Variants in PRR14 observed in about 807,000 individuals in gnomAD.
The protein encoded by PRR14 is proline-rich protein 14.
PRR14 carries 33 observed loss-of-function variants against 57.2 expected under a neutral mutation model. The ratio of observed to expected loss-of-function variants is 0.58; its 90% confidence interval spans 0.44 to 0.77. PRR14 has a LOEUF of 0.77. Among genes scored for constraint, PRR14 ranks in the 30% least tolerant of loss-of-function variants. The probability of loss-of-function intolerance (pLI) is 0.00; values close to 1 mark genes in which losing one functional copy is unlikely to be tolerated. For missense variants in PRR14, 716 were observed against 788.1 expected (o/e 0.91, Z 1.10); for synonymous variants, 303 against 314.7 (o/e 0.96, Z 0.39).
intron 6 of PRR14, 33 bp downstream of exon 6, chr16:30,653,441 T>A: frequency 6.2e-7 from 1 of 1,603,474 alleles, no homozygotes; most frequent in South Asian, 1.1e-5. Flanking sequence ...TATCAAAGGA[T>A]CCAGGCAACA....
rs750481361 is a variant in PRR14, at chr16:30,655,963, G to A, written c.1478+24G>A. ...AGGTGAGACACTTGGAAGGCTAGAG[G>A]GTGGCAGAGGGAAATCTGGAGCTGT... is the stretch of plus-strand genomic sequence containing the variant. On this transcript the variant is annotated intron_variant, in intron 11 of 11. Transcript: ENST00000300835. This position sits in a 1 kb window ranked among gnomAD's most constrained non-coding sequence, Gnocchi z 4.6. 8 of 1,612,172 alleles carry A rather than the reference G, an allele frequency of 5.0e-6. No individual in the cohort carries two copies. The Admixed American group carries it at 8.4e-5, about 17-fold the overall frequency.
rs537706285 is a variant in PRR14 at position 30,654,086 on chromosome 16, G to T, written c.549-144G>T. 1.7e-4 allele frequency: 115 copies of T among 662,832 alleles called. No homozygotes were observed. In the East Asian group the frequency reaches 2.8e-3, roughly 16 times the overall value. The allele number at this position is 662,832 out of a possible 1,614,324, so 41.1% of individuals were successfully genotyped here. On this transcript the variant is annotated intron_variant, in intron 6 of 11. Coordinates refer to ENST00000300835, the MANE Select transcript of PRR14 (RefSeq NM_024031.5). Reference sequence around the variant, plus strand: ...CAAGGCTGCAGTGAGCTGAGATTGTGCCCCTGCACTCCAGCCTGGGCCACA... The same window carrying T: ...CAAGGCTGCAGTGAGCTGAGATTGTTCCCCTGCACTCCAGCCTGGGCCACA...
Position 30,655,699 on chromosome 16 carries a change from A to C in PRR14, c.1406+106A>C, listed in dbSNP as rs1377299396. The C allele has an allele frequency of 7.6e-7, 1 of 1,321,878 alleles. No individual in the cohort carries two copies. The highest frequency in any genetic ancestry group is 1.1e-6 in the Non-Finnish European group (1 of 922,846). The allele number at this position is 1,321,878 out of a possible 1,614,324, so 81.9% of individuals were successfully genotyped here. A position where few individuals can be genotyped will look rare whatever the true frequency, so the allele number is the denominator to read the frequency against. Reference sequence around the variant, plus strand: ...CTCAGGGAGCACAGTCCAGCCTGAAAGATTCAATTCGGTGTGGGGATGGTT... The same window carrying C: ...CTCAGGGAGCACAGTCCAGCCTGAACGATTCAATTCGGTGTGGGGATGGTT... On this transcript the variant is annotated intron_variant, in intron 10 of 11. Transcript: ENST00000300835. The surrounding 1 kb of genome is among the most constrained non-coding windows in gnomAD (Gnocchi z 4.6).
At chr16:30,654,482 G>A (rs952638333) in intron 7 of PRR14, 143 bp downstream of exon 7, 2 of 959,200 alleles carry the variant, frequency 2.1e-6, no homozygotes, top group African/African-American at 1.6e-5. Flanking sequence ...GGATGTTGAT[G>A]TCAGAGGCTT....
chr16:30,655,689 C>A lies in PRR14; in HGVS notation c.1406+96C>A. The A allele has an allele frequency of 7.4e-7, 1 of 1,352,836 alleles. No individual in the cohort carries two copies. Among genetic ancestry groups the A allele is most frequent in the South Asian group, 1.2e-5 (1 of 84,002 alleles). 83.8% of individuals were successfully genotyped at this position (1,352,836 alleles called of 1,614,324 possible). Reference sequence around the variant, plus strand: ...TTTGTCTCCCCTCAGGGAGCACAGTCCAGCCTGAAAGATTCAATTCGGTGT... The same window carrying A: ...TTTGTCTCCCCTCAGGGAGCACAGTACAGCCTGAAAGATTCAATTCGGTGT... On this transcript the variant is annotated intron_variant, in intron 10 of 11. Transcript: ENST00000300835. The surrounding 1 kb of genome is among the most constrained non-coding windows in gnomAD (Gnocchi z 4.6).
At chr16:30,653,461 C>A in intron 6 of PRR14, 53 bp downstream of exon 6, 1 of 1,559,402 alleles carries the variant, frequency 6.4e-7, no homozygotes, top group African/African-American at 1.4e-5. Flanking sequence ...AGCCATCATC[C>A]AGGTAGCCAG....
At chr16:30,654,111 A>G (rs1011099235) in intron 6 of PRR14, 119 bp from the exon 7 acceptor site, 94 of 716,938 alleles carry the variant, frequency 1.3e-4, no homozygotes, top group Non-Finnish European at 2.0e-4. Flanking sequence ...CCTGGGCCAC[A>G]GAGCAAGGCT....
intron 5 of PRR14, 121 bp from the exon 6 acceptor site, chr16:30,653,244 G>C: frequency 7.2e-7 from 1 of 1,395,230 alleles, no homozygotes; most frequent in Non-Finnish European, 1.0e-6. Context: ...CCTGAGCAAA[G>C]ACTATATAAA....
intron 6 of PRR14, 104 bp downstream of exon 6, chr16:30,653,512 T>G (rs907138788): frequency 1.6e-6 from 2 of 1,260,432 alleles, no homozygotes; most frequent in African/African-American, 3.0e-5. Context: ...TCCTTCCTTG[T>G]GGCATCTTAA....
chr16:30,653,582 A>G (rs1390461061), intron 6 of PRR14, among the ~76,000 whole-genome samples, 174 bp downstream of exon 6: 1 of 152,250 alleles, frequency 6.6e-6, no homozygotes, highest in Non-Finnish European at 1.5e-5. Context: ...AGGCCAAGGC[A>G]GGAGAATCGC....
intron 3 of PRR14, chr16:30,652,232 C>G: frequency 1.9e-6 from 1 of 519,552 alleles, no homozygotes; most frequent in Admixed American, 2.9e-5. Context: ...TTTTTTCTAT[C>G]TTTTTTTTTT....
chr16:30,655,090 C>A lies in PRR14; in HGVS notation c.1120C>A (p.Pro374Thr). 1 of 1,611,886 alleles carries A rather than the reference C, an allele frequency of 6.2e-7. No individual in the cohort carries two copies. The highest frequency in any genetic ancestry group is 8.5e-7 in the Non-Finnish European group (1 of 1,179,964). ...VGGGEMARAP[P>T]PPRPCLRKEV... ...TGGTGGGGAAATGGCCCGAGCCCCG[C>A]CACCCCCTCGGCCCTGTCTCCGGAA... Residue 374 changes from proline to threonine, a missense_variant, in exon 8 of 12, where the codon CCA (proline) becomes ACA (threonine). By Grantham distance (38) the Pro-to-Thr change is conservative. Coordinates refer to ENST00000300835, the MANE Select transcript of PRR14 (RefSeq NM_024031.5). This position sits in a 1 kb window ranked among gnomAD's most constrained non-coding sequence, Gnocchi z 4.6.
chr16:30,654,155 A>G (rs1261831354), intron 6 of PRR14, 75 bp from the exon 7 acceptor site: 3 of 984,484 alleles, frequency 3.0e-6, no homozygotes, highest in African/African-American at 1.6e-5. Flanking sequence ...AAGAAGCCTT[A>G]AGGGATAGGG....
rs757234687 is a variant in PRR14, at chr16:30,656,319, A to G, written c.*8A>G. On this transcript the variant is annotated 3_prime_UTR_variant, in exon 12 of 12. Coordinates refer to ENST00000300835, the MANE Select transcript of PRR14 (RefSeq NM_024031.5). Reference sequence around the variant, plus strand: ...CAGCCCCACTGGACCTAGGTGCCCCATCTGTTGGTCATCCATCCTGAAGGG... The same window carrying G: ...CAGCCCCACTGGACCTAGGTGCCCCGTCTGTTGGTCATCCATCCTGAAGGG... The G allele has an allele frequency of 8.1e-6, 13 of 1,605,250 alleles. No individual in the cohort carries two copies. Among genetic ancestry groups the G allele is most frequent in the Non-Finnish European group, 1.1e-5 (13 of 1,178,006 alleles).
rs569050645 is a variant in PRR14, at chr16:30,656,376, T to TC, written c.*66dup. 1.4e-4 allele frequency: 202 copies of TC among 1,437,032 alleles called. 1 individual carries two copies. In the South Asian group the frequency reaches 2.5e-3, roughly 18 times the overall value. 89.0% of individuals were successfully genotyped at this position (1,437,032 alleles called of 1,614,324 possible). On this transcript the variant is annotated 3_prime_UTR_variant, in exon 12 of 12. Transcript: ENST00000300835. ...AACCTCCCAGGCAGTTATTTTTTTT[T>TC]CTCTATATTTCTAGTAAAGTTTTCG...
rs2052345705 is a variant in PRR14 at position 30,654,545 on chromosome 16, C to T, written c.659-84C>T. 1.8e-5 allele frequency: 21 copies of T among 1,185,904 alleles called. 1 individual carries two copies. The South Asian group carries it at 2.8e-4, about 16-fold the overall frequency. The allele number at this position is 1,185,904 out of a possible 1,614,324, so 73.5% of individuals were successfully genotyped here. On this transcript the variant is annotated intron_variant, in intron 7 of 11. Coordinates refer to ENST00000300835, the MANE Select transcript of PRR14 (RefSeq NM_024031.5). ...AGTGTTTTAAGGGTGGGCTAATTCC[C>T]CTGTGCACAAAGTTGAGCATGTGGG...
In PRR14 at chr16:30,655,170, C is replaced by A; in HGVS notation, c.1200C>A (p.Cys400Ter). Residue 400 changes from cysteine to a stop codon, truncating the protein, a stop_gained, in exon 8 of 12, where the codon TGC (cysteine) becomes TGA (stop). Coordinates refer to ENST00000300835, the MANE Select transcript of PRR14 (RefSeq NM_024031.5). LOFTEE classifies it high-confidence loss of function. This position sits in a 1 kb window ranked among gnomAD's most constrained non-coding sequence, Gnocchi z 4.6. Reference sequence around the variant, plus strand: ...CCTCCCCTTCTCTCACCACATCTTGCTCGTCCACGGCATCCACTTCCTTCT... The same window carrying A: ...CCTCCCCTTCTCTCACCACATCTTGATCGTCCACGGCATCCACTTCCTTCT... The part of the protein sequence containing the change: ...VGASPSLTTS[C>*]SSTASTSFSE... 1 of 1,602,196 alleles carries A rather than the reference C, an allele frequency of 6.2e-7. No individual in the cohort carries two copies. Among genetic ancestry groups the A allele is most frequent in the Admixed American group, 1.7e-5 (1 of 59,062 alleles).
chr16:30,653,485 G>GCTA, intron 6 of PRR14, 77 bp downstream of exon 6: 1 of 1,403,422 alleles, frequency 7.1e-7, no homozygotes, highest in South Asian at 1.2e-5. Context: ...TAGGGGCATC[G>GCTA]GGACTGACTG....
intron 6 of PRR14, among the ~76,000 whole-genome samples, chr16:30,653,822 A>G (rs2151258287): frequency 6.6e-6 from 1 of 152,274 alleles, no homozygotes; most frequent in Non-Finnish European, 1.5e-5. Flanking sequence ...ATCCGCCACA[A>G]TGCCCGGCTA....
Sources: gnomAD v4.1 joint callset for allele counts (sites outside exome capture counted in the v4.1 genomes callset) on GRCh38, gnomAD v4.1.1 for gene constraint, Gnocchi (gnomAD v3.1) non-coding constraint, MANE v1.5 for transcripts, NCBI Gene and HGNC (gene_info 2026-07-23, HGNC 2026-07-21) for gene names.